DIDO1: variants seen among roughly 807,000 people sequenced by gnomAD.
DIDO1 encodes the protein death-inducer obliterator 1.
A neutral mutation model predicts 99.4 loss-of-function variants in DIDO1; 16 were observed. The observed-to-expected ratio is 0.16, with a 90% CI of 0.11 to 0.24. The LOEUF is 0.24. DIDO1 is among the 10% of genes least tolerant of loss of function. DIDO1 has a pLI of 1.00. For missense variants in DIDO1, 2,996 were observed against 3,014.0 expected, an observed-to-expected ratio of 0.99 and a Z score of 0.14; for synonymous variants, 1,366 against 1,239.1, an observed-to-expected ratio of 1.10 and a Z score of -2.15.
At chr20:62,921,054 G>A (rs1348287775) in intron 1 of DIDO1, among the ~76,000 whole-genome samples, 1 of 151,960 alleles carries the variant, frequency 6.6e-6, no homozygotes, top group African/African-American at 2.4e-5. Flanking sequence ...CCACCATGCC[G>A]AGTTATTTTT....
At chr20:62,909,626 A>T in intron 4 of DIDO1, 73 bp downstream of exon 4, 1 of 1,561,556 alleles carries the variant, frequency 6.4e-7, no homozygotes, top group Non-Finnish European at 8.7e-7. Context: ...CCTGGGAGGA[A>T]TTTCTATCTA....
intron 15 of DIDO1, chr20:62,888,796 G>A (rs1026728883): frequency 1.5e-5 from 15 of 985,360 alleles, no homozygotes; most frequent in East Asian, 1.1e-4. Flanking sequence ...GGCCTGGCCC[G>A]GGGTGAAGGC....
At position 62,914,324 on chromosome 20, in the gene DIDO1, T is replaced by TTG. The variant is rs1389145072; in HGVS notation, c.-119_-118dup. ...GACAGCCAGGCTCACAACAACACTG[T>TTG]TGTCAGCCACTGTTCACGAGTAACA... On this transcript the variant is annotated 5_prime_UTR_variant, in exon 2 of 16. Coordinates refer to ENST00000395343, the MANE Select transcript of DIDO1 (RefSeq NM_001193369.2). 1.3e-5 allele frequency: 2 copies of TTG among 152,184 alleles called. No individual in the cohort carries two copies. The highest frequency in any genetic ancestry group is 2.9e-5 in the Non-Finnish European group (2 of 68,034). 9.4% of individuals were successfully genotyped at this position (152,184 alleles called of 1,614,324 possible). A position where few individuals can be genotyped will look rare whatever the true frequency, so the allele number is the denominator to read the frequency against.
At position 62,911,929 on chromosome 20, in the gene DIDO1, G is replaced by A. The variant is rs1056165102; in HGVS notation, c.-2-315C>T. Among the ~76,000 whole-genome samples, 3 of 152,044 alleles carry A rather than the reference G, an allele frequency of 2.0e-5. No homozygotes were observed. Among genetic ancestry groups the A allele is most frequent in the Non-Finnish European group, 4.4e-5 (3 of 68,040 alleles). On this transcript the variant is annotated intron_variant, in intron 2 of 15. Coordinates refer to ENST00000395343, the MANE Select transcript of DIDO1 (RefSeq NM_001193369.2). This position sits in a 1 kb window ranked among gnomAD's most constrained non-coding sequence, Gnocchi z 7.0. Reference sequence around the variant, plus strand: ...ACAGTAGGGACAAATAGGAAATATTGGACAGTATAGCAGGGTAAGGATGTG... The same window carrying A: ...ACAGTAGGGACAAATAGGAAATATTAGACAGTATAGCAGGGTAAGGATGTG...
At chr20:62,915,351 G>A (rs80274073) in intron 1 of DIDO1, among the ~76,000 whole-genome samples, 5,562 of 152,180 alleles carry the variant, frequency 0.037, 338 homozygotes, top group African/African-American at 0.13. Context: ...AAGCCAAACG[G>A]CATCGTCATA....
intron 1 of DIDO1, among the ~76,000 whole-genome samples, chr20:62,921,941 T>C (rs2065147574): frequency 2.0e-5 from 3 of 150,340 alleles, no homozygotes; most frequent in African/African-American, 7.3e-5. Flanking sequence ...AAAATATATA[T>C]ACACTATATA....
chr20:62,928,958 C>G (rs2065295103), upstream of DIDO1: 1 of 146,096 alleles, frequency 6.8e-6, no homozygotes, highest in Non-Finnish European at 1.5e-5. Flanking sequence ...CCGGAAAACT[C>G]AGCAATTCTT....
chr20:62,884,824 C>T (rs962531538), intron 15 of DIDO1, among the ~76,000 whole-genome samples: 1 of 152,138 alleles, frequency 6.6e-6, no homozygotes, highest in Admixed American at 6.5e-5. Context: ...ACTCTCTGTC[C>T]CCCGGATAGT....
At chr20:62,913,171 C>A (rs570145225) in intron 2 of DIDO1, among the ~76,000 whole-genome samples, 1 of 152,190 alleles carries the variant, frequency 6.6e-6, no homozygotes, top group Non-Finnish European at 1.5e-5. Context: ...GGCCTCCACG[C>A]TCTGTAAACA....
chr20:62,933,279 T>C (rs1311550530), intron 1 of DIDO1, among the ~76,000 whole-genome samples: 1 of 152,236 alleles, frequency 6.6e-6, no homozygotes, highest in Non-Finnish European at 1.5e-5. Context: ...CTTACCTCTT[T>C]CCAACATCTC....
intron 6 of DIDO1, among the ~76,000 whole-genome samples, chr20:62,904,122 T>C (rs1196632781): frequency 6.6e-6 from 1 of 152,214 alleles, no homozygotes; most frequent in Non-Finnish European, 1.5e-5. Context: ...CACCCACTTA[T>C]CTGAACTGAG....
chr20:62,895,022 C>G (rs1334727118), intron 9 of DIDO1, 27 bp downstream of exon 9: 1 of 1,596,726 alleles, frequency 6.3e-7, no homozygotes, highest in Admixed American at 1.7e-5. Flanking sequence ...GTCCTGGGTG[C>G]CTCCGCAGGT....
chr20:62,931,131 G>C (rs1198210887), upstream of DIDO1, among the ~76,000 whole-genome samples: 1 of 152,108 alleles, frequency 6.6e-6, no homozygotes, highest in African/African-American at 2.4e-5. Flanking sequence ...TGTAGAGATG[G>C]GGTTTCACTA....
At chr20:62,922,087 CTA>C (rs535513952) in intron 1 of DIDO1, among the ~76,000 whole-genome samples, 213 of 139,128 alleles carry the variant, frequency 1.5e-3, no homozygotes, top group African/African-American at 5.6e-3. Flanking sequence ...TATATACACA[CTA>C]TATATACACA....
At chr20:62,892,289 T>C (rs1353825582) in intron 13 of DIDO1, among the ~76,000 whole-genome samples, 1 of 152,108 alleles carries the variant, frequency 6.6e-6, no homozygotes, top group Admixed American at 6.5e-5. Context: ...CAGACAAGAT[T>C]ATGTTTAGAA....
At position 62,881,750 on chromosome 20, in the gene DIDO1, C is replaced by T; in HGVS notation, c.4206G>A (p.Val1402=). The change falls in exon 16 of 16, where the codon GTG becomes GTA. Residue 1402 remains valine (V), a synonymous_variant. Transcript: ENST00000395343. The surrounding 1 kb of genome is among the most constrained non-coding windows in gnomAD (Gnocchi z 8.3). ...DPERAFDTQL[V]ERGRRHEVER... Reference sequence around the variant, plus strand: ...CCACCTCGTGGCGCCGCCCTCGCTCCACAAGCTGAGTGTCGAAGGCCCTCT... The same window carrying T: ...CCACCTCGTGGCGCCGCCCTCGCTCTACAAGCTGAGTGTCGAAGGCCCTCT... The T allele has an allele frequency of 6.2e-7, 1 of 1,613,214 alleles. No homozygotes were observed. Among genetic ancestry groups the T allele is most frequent in the Non-Finnish European group, 8.5e-7 (1 of 1,180,032 alleles).
At chr20:62,908,229 T>C (rs1480588866) in intron 4 of DIDO1, among the ~76,000 whole-genome samples, 2 of 152,200 alleles carry the variant, frequency 1.3e-5, no homozygotes, top group African/African-American at 2.4e-5. Context: ...GATCCTCCCA[T>C]CTTGACTTCT....
chr20:62,906,039 A>G lies in DIDO1; in HGVS notation c.1436T>C (p.Val479Ala), dbSNP rs555823422. 1 of 1,613,744 alleles carries G rather than the reference A, an allele frequency of 6.2e-7. No homozygotes were observed. The highest frequency in any genetic ancestry group is 8.5e-7 in the Non-Finnish European group (1 of 1,180,006). Residue 479 changes from valine to alanine, a missense_variant, in exon 6 of 16, where the codon GTG (valine) becomes GCG (alanine). Physicochemically the swap from Val to Ala is moderately conservative, Grantham distance 64. Around this residue, in one of 5 missense-constraint regions of DIDO1, gnomAD observed 898 missense variants for 972.7 expected, o/e 0.92. Coordinates refer to ENST00000395343, the MANE Select transcript of DIDO1 (RefSeq NM_001193369.2). ...CGCAGGGACCACCACTGCCTTCTTCACTGTGGTCTCTTTTTTTTCTGGAGC... is the reference window on the plus strand; with the variant it reads ...CGCAGGGACCACCACTGCCTTCTTCGCTGTGGTCTCTTTTTTTTCTGGAGC... ...RPAPEKKETT[V>A]KKAVVVPARS...
At chr20:62,888,267 G>A (rs1255438313) in intron 15 of DIDO1, 7 of 985,344 alleles carry the variant, frequency 7.1e-6, no homozygotes, top group Non-Finnish European at 1.2e-6. Flanking sequence ...TGAGGCACAT[G>A]GACGAGTCAG....
Sources: gnomAD v4.1 joint callset for allele counts (sites outside exome capture counted in the v4.1 genomes callset) on GRCh38, gnomAD v4.1.1 for gene constraint, gnomAD v4.1.1 regional missense constraint, Gnocchi (gnomAD v3.1) non-coding constraint, MANE v1.5 for transcripts, NCBI Gene and HGNC (gene_info 2026-07-23, HGNC 2026-07-21) for gene names.